Variants in SLC35F4 observed in about 807,000 individuals in gnomAD.
SLC35F4 encodes solute carrier family 35 member F4.
A neutral mutation model predicts 44.2 loss-of-function variants in SLC35F4; 24 were observed. The ratio of observed to expected loss-of-function variants is 0.54; its 90% CI spans 0.39 to 0.76. The LOEUF is 0.76. SLC35F4 is among the 30% of genes least tolerant of loss of function. The probability of loss-of-function intolerance (pLI) is 0.00; values close to 1 mark genes in which losing one functional copy is unlikely to be tolerated. For synonymous variants in SLC35F4, 238 were observed against 223.6 expected (o/e 1.06, Z -0.57); for missense variants, 562 against 586.1 (o/e 0.96, Z 0.42).
At chr14:57,849,547 T>G (rs886375922) in intron 1 of SLC35F4, among the ~76,000 whole-genome samples, 2 of 152,086 alleles carry the variant, frequency 1.3e-5, no homozygotes, top group African/African-American at 4.8e-5. Flanking sequence ...ATAGTATTAA[T>G]ATCCTTAAGG....
chr14:57,853,850 C>T (rs554019843), intron 1 of SLC35F4, among the ~76,000 whole-genome samples: 96 of 152,306 alleles, frequency 6.3e-4, no homozygotes, highest in Non-Finnish European at 6.2e-4. Flanking sequence ...TCTTACCCCT[C>T]CCCTTCAAAC....
intron 1 of SLC35F4, among the ~76,000 whole-genome samples, chr14:57,937,414 C>T (rs1308244608): frequency 2.6e-5 from 4 of 151,892 alleles, no homozygotes; most frequent in Admixed American, 2.6e-4. Flanking sequence ...TCACAGTAGT[C>T]TCATTGTATA....
At chr14:57,710,185 A>G (rs2075782379) in intron 1 of SLC35F4, among the ~76,000 whole-genome samples, 1 of 152,220 alleles carries the variant, frequency 6.6e-6, no homozygotes, top group Non-Finnish European at 1.5e-5. Flanking sequence ...AGCTCCAGCT[A>G]TGGCTAAAAG....
At chr14:57,797,444 C>T (rs936770731) in intron 1 of SLC35F4, among the ~76,000 whole-genome samples, 3 of 152,182 alleles carry the variant, frequency 2.0e-5, no homozygotes, top group Admixed American at 6.5e-5. Context: ...CTCATCCCCG[C>T]TTTGCCCATT....
At chr14:57,868,982 T>A (rs1041105258), upstream of SLC35F4, among the ~76,000 whole-genome samples, 78 of 152,314 alleles carry the variant, frequency 5.1e-4, no homozygotes, top group African/African-American at 1.8e-3. Context: ...ATAGCCAGTT[T>A]CTCTAGTAGT....
At chr14:57,858,070 G>A (rs550008329) in intron 1 of SLC35F4, among the ~76,000 whole-genome samples, 118 of 152,138 alleles carry the variant, frequency 7.8e-4, no homozygotes, top group Admixed American at 1.5e-3. Context: ...GAACACTTTT[G>A]CACTGTTGGT....
At chr14:57,673,171 A>G (rs925464804) in intron 1 of SLC35F4, among the ~76,000 whole-genome samples, 1 of 152,140 alleles carries the variant, frequency 6.6e-6, no homozygotes, top group African/African-American at 2.4e-5. Flanking sequence ...AAGACAAACC[A>G]ATTAAGAAGC....
At chr14:57,747,722 C>A (rs972819821) in intron 1 of SLC35F4, among the ~76,000 whole-genome samples, 5 of 152,082 alleles carry the variant, frequency 3.3e-5, no homozygotes, top group African/African-American at 1.2e-4. Context: ...ATTATGCTAC[C>A]TAAAAACATT....
intron 1 of SLC35F4, among the ~76,000 whole-genome samples, chr14:57,727,403 A>AT (rs2076231909): frequency 6.7e-6 from 1 of 148,784 alleles, no homozygotes; most frequent in Non-Finnish European, 1.5e-5. Flanking sequence ...AAATTCACTT[A>AT]TTTTTGCTCT....
intron 1 of SLC35F4, among the ~76,000 whole-genome samples, chr14:57,981,614 T>C (rs549994620): frequency 5.1e-4 from 78 of 152,286 alleles, no homozygotes; most frequent in African/African-American, 1.9e-3. Context: ...ATTTTCTTTC[T>C]CCATCCCCTC....
chr14:57,830,506 C>G (rs901453796), intron 1 of SLC35F4, among the ~76,000 whole-genome samples: 12 of 152,052 alleles, frequency 7.9e-5, no homozygotes, highest in Non-Finnish European at 1.5e-4. Flanking sequence ...CTATGGAAAT[C>G]CTAAAAGATA....
At chr14:57,934,432 T>C (rs947998777) in intron 1 of SLC35F4, among the ~76,000 whole-genome samples, 3 of 151,234 alleles carry the variant, frequency 2.0e-5, no homozygotes, top group African/African-American at 7.3e-5. Context: ...GCAAGCAGTA[T>C]GCATGTTATT....
chr14:57,566,137 A>C (rs1373812060), intron 7 of SLC35F4, among the ~76,000 whole-genome samples: 1 of 152,196 alleles, frequency 6.6e-6, no homozygotes, highest in Non-Finnish European at 1.5e-5. Context: ...AGTGACGGTT[A>C]CTTGAAAGTC....
intron 1 of SLC35F4, among the ~76,000 whole-genome samples, chr14:57,777,479 G>T (rs990142508): frequency 2.6e-5 from 4 of 152,114 alleles, no homozygotes; most frequent in African/African-American, 7.2e-5. Context: ...CTTTTGCGTG[G>T]ACATGGATGA....
chr14:57,909,057 T>C (rs1316126611), intron 1 of SLC35F4, among the ~76,000 whole-genome samples: 1 of 152,228 alleles, frequency 6.6e-6, no homozygotes, highest in African/African-American at 2.4e-5. Context: ...TCCCCATTGC[T>C]TGTTTTTGTC....
intron 1 of SLC35F4, among the ~76,000 whole-genome samples, chr14:57,626,985 T>C (rs550462356): frequency 1.3e-5 from 2 of 152,132 alleles, no homozygotes; most frequent in Non-Finnish European, 2.9e-5. Flanking sequence ...GAAGAGACAA[T>C]GTGGCACTGT....
chr14:57,774,412 C>T (rs1018333713), intron 1 of SLC35F4, among the ~76,000 whole-genome samples: 1 of 152,174 alleles, frequency 6.6e-6, no homozygotes, highest in Non-Finnish European at 1.5e-5. Flanking sequence ...GTGGTAGGGG[C>T]AGAACTCCAA....
chr14:57,978,520 T>C (rs542148276), intron 1 of SLC35F4, among the ~76,000 whole-genome samples: 22 of 152,288 alleles, frequency 1.4e-4, no homozygotes, highest in Non-Finnish European at 2.4e-4. Context: ...GATCTTCTGG[T>C]CTTAACGTCA....
intron 1 of SLC35F4, among the ~76,000 whole-genome samples, chr14:57,936,680 G>A (rs980161632): frequency 6.6e-6 from 1 of 151,918 alleles, no homozygotes; most frequent in African/African-American, 2.4e-5. Context: ...ATCCCAAAAT[G>A]TCAATGCTTC....
Sources: allele counts gnomAD v4.1 joint callset (sites outside exome capture counted in the v4.1 genomes callset), GRCh38; gene constraint gnomAD v4.1.1; transcripts MANE v1.5; gene names NCBI Gene and HGNC (gene_info 2026-07-23, HGNC 2026-07-21).